The following PDE3B variants were observed in gnomAD, a reference collection of about 807,000 sequenced individuals.
The protein encoded by PDE3B is cGMP-inhibited 3',5'-cyclic phosphodiesterase 3B.
Under a neutral mutation model 116.8 loss-of-function variants are expected in PDE3B, and 66 were observed. That is an observed-to-expected ratio of 0.56 (90% CI 0.46 to 0.69). The LOEUF (loss-of-function observed/expected upper bound fraction) is 0.69, where lower values mean the gene tolerates loss of function less well. Among genes scored for constraint, PDE3B ranks in the 30% least tolerant of loss-of-function variants. The pLI, the probability that PDE3B is intolerant of heterozygous loss-of-function variation, is 0.00. For missense variants in PDE3B, 1,384 were observed against 1,368.1 expected, an observed-to-expected ratio of 1.01 and a Z score of -0.18; for synonymous variants, 595 against 533.6, an observed-to-expected ratio of 1.12 and a Z score of -1.59.
intron 2 of PDE3B, among the ~76,000 whole-genome samples, chr11:14,783,756 TATA>T: frequency 6.6e-6 from 1 of 151,152 alleles, no homozygotes; most frequent in African/African-American, 2.4e-5. Context: ...GAACACAAAA[TATA>T]ATAATAAAAA....
At chr11:14,777,327 G>A (rs1857818387) in intron 2 of PDE3B, among the ~76,000 whole-genome samples, 1 of 152,178 alleles carries the variant, frequency 6.6e-6, no homozygotes, top group African/African-American at 2.4e-5. Context: ...CATTGAAAGA[G>A]TATCTGAAGA....
intron 12 of PDE3B, among the ~76,000 whole-genome samples, chr11:14,849,896 T>TAAACTAGTTCAACCATTGTGGA: frequency 6.6e-6 from 1 of 151,646 alleles, no homozygotes; most frequent in Admixed American, 6.6e-5. Context: ...GGTGGGACTG[T>TAAACTAGTTCAACCATTGTGGA]AAACTAGTTC....
At position 14,819,161 on chromosome 11, in the gene PDE3B, G is replaced by A. The variant is rs1461368720; in HGVS notation, c.1759G>A (p.Val587Ile). ...NSCGHQMLKY[V>I]STSESDGTDC... ...CTGTGGACATCAAATGCTGAAATAT[G>A]TTTCAACATCTGAATCAGATGGTAC... The change falls in exon 7 of 16, where the codon GTT becomes ATT. Residue 587 changes from valine to isoleucine, a missense_variant. Coordinates refer to ENST00000282096, the MANE Select transcript of PDE3B (RefSeq NM_000922.4). The A allele has an allele frequency of 1.4e-5, 23 of 1,596,054 alleles. No homozygotes were observed. The highest frequency in any genetic ancestry group is 1.9e-5 in the Non-Finnish European group (22 of 1,167,526).
At chr11:14,742,982 C>G (rs905489191) in intron 1 of PDE3B, among the ~76,000 whole-genome samples, 1 of 152,096 alleles carries the variant, frequency 6.6e-6, no homozygotes, top group Non-Finnish European at 1.5e-5. Flanking sequence ...CCAGAGCTCT[C>G]CTGTATGAGG....
intron 1 of PDE3B, among the ~76,000 whole-genome samples, chr11:14,646,127 C>T (rs1016357964): frequency 2.8e-4 from 42 of 152,148 alleles, no homozygotes; most frequent in African/African-American, 1.0e-3. Context: ...AGAGTAAGAG[C>T]GTACACCCTA....
At chr11:14,865,207 T>C (rs1183440232) in intron 14 of PDE3B, among the ~76,000 whole-genome samples, 5 of 152,340 alleles carry the variant, frequency 3.3e-5, no homozygotes, top group African/African-American at 1.2e-4. Flanking sequence ...TATAAAATTT[T>C]TGGCATTAAA....
intron 5 of PDE3B, among the ~76,000 whole-genome samples, chr11:14,805,084 A>G (rs1383107999): frequency 6.6e-6 from 1 of 152,196 alleles, no homozygotes; most frequent in Non-Finnish European, 1.5e-5. Flanking sequence ...AAGGAGAGAA[A>G]CAAAAGGACA....
At chr11:14,667,972 T>A (rs968477978) in intron 1 of PDE3B, among the ~76,000 whole-genome samples, 1 of 151,512 alleles carries the variant, frequency 6.6e-6, no homozygotes, top group African/African-American at 2.4e-5. Flanking sequence ...AGTATTTAAA[T>A]AATTTTCAGA....
chr11:14,854,870 A>C (rs1847820551), intron 12 of PDE3B, among the ~76,000 whole-genome samples: 1 of 151,316 alleles, frequency 6.6e-6, no homozygotes, highest in Non-Finnish European at 1.5e-5. Context: ...CATGGCATTA[A>C]TCAGAAGCTT....
chr11:14,724,462 C>G (rs2133846568), intron 1 of PDE3B, among the ~76,000 whole-genome samples: 1 of 152,270 alleles, frequency 6.6e-6, no homozygotes, highest in South Asian at 2.1e-4. Context: ...GCTCCAAAAT[C>G]TGAAGCTTTT....
the PDE3B span, chr11:14,892,157 C>T: frequency 4.3e-6 from 7 of 1,610,486 alleles, no homozygotes; most frequent in Non-Finnish European, 5.9e-6. Context: ...AGGAAGAGCG[C>T]GCCGCCGAGC....
the PDE3B span, chr11:14,892,145 G>T: frequency 1.2e-6 from 2 of 1,611,160 alleles, no homozygotes; most frequent in Non-Finnish European, 1.7e-6. Context: ...GCGAAGAGCA[G>T]CAGGAAGAGC....
At chr11:14,782,169 A>G (rs368541139) in intron 2 of PDE3B, among the ~76,000 whole-genome samples, 11 of 152,202 alleles carry the variant, frequency 7.2e-5, no homozygotes, top group African/African-American at 2.7e-4. Context: ...GGACACAAAC[A>G]AGTGACAATA....
the PDE3B span, chr11:14,891,673 G>A: frequency 5.2e-6 from 6 of 1,164,714 alleles, no homozygotes; most frequent in Non-Finnish European, 6.4e-6. Flanking sequence ...GGCGCGGCTG[G>A]CGAGCCAAAC....
At chr11:14,788,149 C>T (rs1326719593) in intron 3 of PDE3B, among the ~76,000 whole-genome samples, 2 of 151,698 alleles carry the variant, frequency 1.3e-5, no homozygotes, top group African/African-American at 4.8e-5. Flanking sequence ...TCTTTAAACT[C>T]GTTATTAGAA....
At chr11:14,650,349 C>T (rs1018519399) in intron 1 of PDE3B, among the ~76,000 whole-genome samples, 4 of 152,002 alleles carry the variant, frequency 2.6e-5, no homozygotes, top group African/African-American at 7.2e-5. Flanking sequence ...GACTGCAGTG[C>T]GTGCCATCAT....
the PDE3B span, among the ~76,000 whole-genome samples, chr11:14,884,864 C>A: frequency 6.6e-6 from 1 of 151,894 alleles, no homozygotes; most frequent in African/African-American, 2.4e-5. Context: ...TCATTTTCAT[C>A]ATCTTTTTAA....
At chr11:14,877,683 C>T in the PDE3B span, 1 of 155,528 alleles carries the variant, frequency 6.4e-6, no homozygotes, top group Non-Finnish European at 1.4e-5. Flanking sequence ...GTTTTAATTT[C>T]TTCTGTAGTC....
chr11:14,643,910 C>T lies in PDE3B; in HGVS notation c.-166C>T, dbSNP rs1472241037. On this transcript the variant is annotated 5_prime_UTR_variant, in exon 1 of 16. Coordinates refer to ENST00000282096, the MANE Select transcript of PDE3B (RefSeq NM_000922.4). ...CCAGCATGTCCCGGACTCCGCCGCT[C>T]CTCAGTCCGCGCGGTGGGGACCCCG... 3.8e-6 allele frequency: 4 copies of T among 1,050,858 alleles called. No homozygotes were observed. In the African/African-American group the frequency reaches 5.0e-5, roughly 13 times the overall value. 65.1% of individuals were successfully genotyped at this position (1,050,858 alleles called of 1,614,324 possible). A position where few individuals can be genotyped will look rare whatever the true frequency, so the allele number is the denominator to read the frequency against.
Sources: allele counts gnomAD v4.1 joint callset (sites outside exome capture counted in the v4.1 genomes callset), GRCh38; gene constraint gnomAD v4.1.1; transcripts MANE v1.5; gene names NCBI Gene and HGNC (gene_info 2026-07-23, HGNC 2026-07-21).